The following TTLL5 variants were observed in gnomAD, a reference collection of about 807,000 sequenced individuals.
The protein encoded by TTLL5 is tubulin polyglutamylase TTLL5.
Under a neutral mutation model 168.4 loss-of-function variants are expected in TTLL5, and 132 were observed. That is an observed-to-expected ratio of 0.78 (90% confidence interval 0.68 to 0.91). The LOEUF (loss-of-function observed/expected upper bound fraction) is 0.91, where lower values mean the gene tolerates loss of function less well. Ranked by LOEUF, TTLL5 falls within the 40% of genes least tolerant of loss-of-function variation. The pLI is 0.00. For synonymous variants in TTLL5, 546 were observed against 558.6 expected, an observed-to-expected ratio of 0.98 and a Z score of 0.32; for missense variants, 1,545 against 1,581.5, an observed-to-expected ratio of 0.98 and a Z score of 0.39.
At chr14:75,690,934 A>T (rs1221686952) in intron 6 of TTLL5, among the ~76,000 whole-genome samples, 1 of 152,218 alleles carries the variant, frequency 6.6e-6, no homozygotes, top group Non-Finnish European at 1.5e-5. Flanking sequence ...AGGATACTTT[A>T]TATTCCTGCA....
In TTLL5 at chr14:75,744,829, G is replaced by A. The variant is rs1488076812; in HGVS notation, c.1282-266G>A. 5 of 239,962 alleles carry A rather than the reference G, an allele frequency of 2.1e-5. No homozygotes were observed. The East Asian group carries it at 2.4e-4, about 11-fold the overall frequency. 14.9% of individuals were successfully genotyped at this position (239,962 alleles called of 1,614,324 possible). A position where few individuals can be genotyped will look rare whatever the true frequency, so the allele number is the denominator to read the frequency against. On this transcript the variant is annotated intron_variant, in intron 15 of 31. Coordinates refer to ENST00000298832, the MANE Select transcript of TTLL5 (RefSeq NM_015072.5). The stretch of plus-strand genomic sequence containing the variant: ...GTTAAATACTAGCTTAGAAAGTCAC[G>A]TGGACCTCATTCTTTCTTTCTTCTC...
At position 75,663,199 on chromosome 14, in the gene TTLL5, A is replaced by T; in HGVS notation, c.50A>T (p.Glu17Val). The change falls in exon 2 of 32, where the codon GAG becomes GTG. Residue 17 changes from glutamate (E) to valine (V), a missense_variant. Coordinates refer to ENST00000298832, the MANE Select transcript of TTLL5 (RefSeq NM_015072.5). ...CTGGAGGAAACAGCATCATCCTCAG[A>T]GGATGAGGAGGTCATAAGTCAAGAG... ...RDLEETASSS[E>V]DEEVISQEDH... 6.2e-7 allele frequency: 1 copy of T among 1,613,376 alleles called. No individual in the cohort carries two copies. Among genetic ancestry groups the T allele is most frequent in the Non-Finnish European group, 8.5e-7 (1 of 1,179,762 alleles).
chr14:75,733,582 C>T (rs1371301720), intron 13 of TTLL5, among the ~76,000 whole-genome samples: 1 of 152,048 alleles, frequency 6.6e-6, no homozygotes, highest in Non-Finnish European at 1.5e-5. Flanking sequence ...GTGAATGTGA[C>T]TTGACTGTTG....
intron 31 of TTLL5, among the ~76,000 whole-genome samples, chr14:75,951,677 G>T (rs2140222830): frequency 6.6e-6 from 1 of 152,314 alleles, no homozygotes; most frequent in African/African-American, 2.4e-5. Flanking sequence ...TGGGAGGATT[G>T]CCTGAGCCCC....
At chr14:75,896,650 A>G (rs897817797) in intron 30 of TTLL5, among the ~76,000 whole-genome samples, 1 of 152,242 alleles carries the variant, frequency 6.6e-6, no homozygotes, top group African/African-American at 2.4e-5. Flanking sequence ...AACAGAAATA[A>G]TATAGCAGCA....
In TTLL5 at chr14:75,882,666, T is replaced by C. The variant is rs752425802; in HGVS notation, c.3523-19T>C. ...GAAGGTGATGTCCATCGATCATTTTTTTCCTTTTTTTTTTGTAGGCAATCT... is the reference window on the plus strand; with the variant it reads ...GAAGGTGATGTCCATCGATCATTTTCTTCCTTTTTTTTTTGTAGGCAATCT... On this transcript the variant is annotated intron_variant, in intron 29 of 31. Coordinates refer to ENST00000298832, the MANE Select transcript of TTLL5 (RefSeq NM_015072.5). The C allele has an allele frequency of 1.9e-6, 3 of 1,602,408 alleles. No homozygotes were observed. The highest frequency in any genetic ancestry group is 1.1e-5 in the South Asian group (1 of 89,878).
intron 30 of TTLL5, among the ~76,000 whole-genome samples, chr14:75,895,802 G>GA (rs1441164884): frequency 5.9e-5 from 9 of 151,966 alleles, no homozygotes; most frequent in Non-Finnish European, 1.2e-4. Flanking sequence ...ATATAGAAAG[G>GA]AAAAAAATAC....
intron 28 of TTLL5, among the ~76,000 whole-genome samples, chr14:75,850,264 G>T (rs1424262902): frequency 6.6e-6 from 1 of 151,742 alleles, no homozygotes; most frequent in Non-Finnish European, 1.5e-5. Context: ...AAATTATCCG[G>T]GCATGGTGGC....
chr14:75,856,350 A>T (rs1007143916), intron 28 of TTLL5, among the ~76,000 whole-genome samples: 4 of 152,214 alleles, frequency 2.6e-5, no homozygotes, highest in African/African-American at 9.6e-5. Context: ...GAGGTACAAG[A>T]GTGACACTCC....
intron 12 of TTLL5, among the ~76,000 whole-genome samples, chr14:75,723,429 G>C (rs1465693502): frequency 6.6e-6 from 1 of 152,144 alleles, no homozygotes; most frequent in Non-Finnish European, 1.5e-5. Context: ...ATGGGGATGA[G>C]GGGTTGGGAC....
intron 9 of TTLL5, chr14:75,709,028 A>G: frequency 1.7e-6 from 1 of 577,296 alleles, no homozygotes; most frequent in East Asian, 2.9e-5. Flanking sequence ...GTGTTGGGCC[A>G]CATTCAAAGC....
intron 9 of TTLL5, chr14:75,709,149 G>A: frequency 1.3e-6 from 1 of 754,094 alleles, no homozygotes; most frequent in Non-Finnish European, 2.4e-6. Context: ...AGCTAAAAAA[G>A]CCTGGTCTGT....
Position 75,782,493 on chromosome 14 carries a change from C to G in TTLL5, c.2522C>G (p.Pro841Arg). The change falls in exon 25 of 32, where the codon CCT (proline) becomes CGT (arginine). Residue 841 changes from proline to arginine, a missense_variant. Transcript: ENST00000298832. ...YSDSGAKGDH[P>R]ETIMEEVKIK... ...TCATTATTTCTTATTTCAGATCACCCTGAGACTATAATGGAAGAAGTGAAA... is the reference window on the plus strand; with the variant it reads ...TCATTATTTCTTATTTCAGATCACCGTGAGACTATAATGGAAGAAGTGAAA... The G allele has an allele frequency of 1.2e-6, 2 of 1,613,156 alleles. No homozygotes were observed. The highest frequency in any genetic ancestry group is 1.7e-6 in the Non-Finnish European group (2 of 1,179,418).
intron 30 of TTLL5, chr14:75,887,183 C>G (rs1194033991): frequency 6.0e-6 from 6 of 1,001,104 alleles, no homozygotes; most frequent in Non-Finnish European, 7.1e-6. Context: ...GACTGGGTAG[C>G]CTGGTAGCAC....
intron 6 of TTLL5, among the ~76,000 whole-genome samples, chr14:75,698,290 A>G (rs928512769): frequency 2.6e-5 from 4 of 152,192 alleles, no homozygotes; most frequent in African/African-American, 9.7e-5. Flanking sequence ...TCTTTTCACG[A>G]TCCAAAGGGA....
chr14:75,949,466 T>TAA (rs1466599758), intron 31 of TTLL5, among the ~76,000 whole-genome samples: 2 of 134,378 alleles, frequency 1.5e-5, no homozygotes, highest in African/African-American at 2.7e-5. Context: ...TATATATATA[T>TAA]AACCTTATAT....
chr14:75,776,085 T>A (rs981515816), intron 22 of TTLL5, among the ~76,000 whole-genome samples: 5 of 152,214 alleles, frequency 3.3e-5, no homozygotes, highest in African/African-American at 1.2e-4. Flanking sequence ...AATATACTAT[T>A]TAATTAGAAT....
At chr14:75,810,849 A>G (rs1010170243) in intron 27 of TTLL5, among the ~76,000 whole-genome samples, 2 of 152,204 alleles carry the variant, frequency 1.3e-5, no homozygotes, top group African/African-American at 2.4e-5. Flanking sequence ...CAACATCTGT[A>G]TGTCAAAGCT....
chr14:75,788,042 C>G (rs1040876086), intron 26 of TTLL5, among the ~76,000 whole-genome samples: 1 of 151,996 alleles, frequency 6.6e-6, no homozygotes, highest in Non-Finnish European at 1.5e-5. Flanking sequence ...TCCAAGCTCC[C>G]TAGGAGGCTG....
Sources: gnomAD v4.1 joint callset for allele counts (sites outside exome capture counted in the v4.1 genomes callset) on GRCh38, gnomAD v4.1.1 for gene constraint, MANE v1.5 for transcripts, NCBI Gene and HGNC (gene_info 2026-07-23, HGNC 2026-07-21) for gene names.